Variants in FNDC7 observed in about 807,000 individuals in gnomAD.
FNDC7 encodes fibronectin type III domain-containing protein 7.
In FNDC7, 66 loss-of-function variants were observed where a neutral mutation model predicts 74.2. The observed-to-expected ratio is 0.89, with a 90% CI of 0.73 to 1.09. FNDC7 has a LOEUF of 1.09. Ranked by LOEUF, FNDC7 falls within the 50% of genes least tolerant of loss-of-function variation. FNDC7 has a pLI of 0.00. For missense variants in FNDC7, 829 were observed against 893.4 expected, an observed-to-expected ratio of 0.93 and a Z score of 0.92; for synonymous variants, 307 against 330.2, an observed-to-expected ratio of 0.93 and a Z score of 0.76.
At chr1:108,724,761 AAAAAATTAATTAATTAATTAATT>A (rs1361693740) in intron 5 of FNDC7, among the ~76,000 whole-genome samples, 272 of 151,668 alleles carry the variant, frequency 1.8e-3, no homozygotes, top group African/African-American at 6.3e-3. Flanking sequence ...CTCCAAAAAA[AAAAAATTAATTAATTAATTAATT>A]AAAAAATAAA....
rs568200240 is a variant in FNDC7, at chr1:108,742,145, G to A, written c.*258G>A. 19 of 317,310 alleles carry A rather than the reference G, an allele frequency of 6.0e-5. No homozygotes were observed. The highest frequency in any genetic ancestry group is 4.2e-4 in the African/African-American group (19 of 45,346). 19.7% of individuals were successfully genotyped at this position (317,310 alleles called of 1,614,324 possible). The stretch of plus-strand genomic sequence containing the variant: ...AATCCAGAAAGTCCCCTGGACGGCT[G>A]CTAGCCTGAGTTGGCACACTGTGAG... On this transcript the variant is annotated 3_prime_UTR_variant, in exon 13 of 13. Coordinates refer to ENST00000370017, the MANE Select transcript of FNDC7 (RefSeq NM_001144937.3).
chr1:108,740,873 T>C (rs945546408), intron 11 of FNDC7, among the ~76,000 whole-genome samples: 2 of 152,258 alleles, frequency 1.3e-5, no homozygotes, highest in Admixed American at 1.3e-4. Context: ...TCATATCACA[T>C]TCTATTATGT....
intron 2 of FNDC7, among the ~76,000 whole-genome samples, chr1:108,713,808 C>T (rs889409542): frequency 5.9e-5 from 9 of 152,284 alleles, no homozygotes; most frequent in South Asian, 2.1e-4. Flanking sequence ...TTCTCATATA[C>T]GGTTAGCCAT....
chr1:108,730,404 G>T (rs2990873), intron 8 of FNDC7, among the ~76,000 whole-genome samples: 143,012 of 150,022 alleles, frequency 0.95, 68,197 homozygotes, highest in East Asian at 1. Flanking sequence ...AACAAAGGAT[G>T]TCTTTCTTAT....
intron 10 of FNDC7, among the ~76,000 whole-genome samples, chr1:108,736,420 C>T (rs1383342512): frequency 1.3e-5 from 2 of 152,176 alleles, no homozygotes; most frequent in African/African-American, 2.4e-5. Flanking sequence ...CAACATATTA[C>T]TGTGAATTGA....
At chr1:108,721,650 C>CT (rs890172067) in intron 4 of FNDC7, among the ~76,000 whole-genome samples, 1 of 152,110 alleles carries the variant, frequency 6.6e-6, no homozygotes, top group Non-Finnish European at 1.5e-5. Flanking sequence ...CCTTCTTACG[C>CT]TTTTTTAATG....
At chr1:108,725,072 C>T (rs961867679) in intron 5 of FNDC7, among the ~76,000 whole-genome samples, 5 of 151,700 alleles carry the variant, frequency 3.3e-5, no homozygotes, top group African/African-American at 1.2e-4. Flanking sequence ...CCGAGTGAGA[C>T]TCTGTCTCAA....
intron 8 of FNDC7, among the ~76,000 whole-genome samples, chr1:108,729,839 G>A (rs147279499): frequency 6.0e-4 from 91 of 152,298 alleles, no homozygotes; most frequent in African/African-American, 2.1e-3. Context: ...AAAGAAGCCA[G>A]CAGTAAGATA....
intron 8 of FNDC7, among the ~76,000 whole-genome samples, chr1:108,729,466 G>A (rs939337978): frequency 3.3e-5 from 5 of 151,834 alleles, no homozygotes; most frequent in African/African-American, 1.2e-4. Context: ...GGAGAATGGC[G>A]TGAACCCAGC....
intron 6 of FNDC7, among the ~76,000 whole-genome samples, chr1:108,726,209 A>G (rs1043245435): frequency 2.0e-5 from 3 of 152,180 alleles, no homozygotes; most frequent in Non-Finnish European, 4.4e-5. Context: ...AAGGTTTGGG[A>G]GTGAAAAGAG....
At chr1:108,722,613 C>G in intron 5 of FNDC7, 21 bp downstream of exon 5, 1 of 1,597,766 alleles carries the variant, frequency 6.3e-7, no homozygotes, top group Non-Finnish European at 8.6e-7. Context: ...AAGAGTGAGA[C>G]TGCTGTCGGG....
At chr1:108,730,567 G>A (rs1028315584) in intron 8 of FNDC7, 107 bp from the exon 9 acceptor site, 1 of 1,258,048 alleles carries the variant, frequency 7.9e-7, no homozygotes, top group African/African-American at 1.5e-5. Flanking sequence ...GTTGGGGAAT[G>A]TAGGATATTG....
At chr1:108,727,389 C>A (rs1199551281) in intron 6 of FNDC7, among the ~76,000 whole-genome samples, 1 of 152,072 alleles carries the variant, frequency 6.6e-6, no homozygotes, top group Non-Finnish European at 1.5e-5. Context: ...CCCTACCCCC[C>A]AGTTTTATTT....
intron 2 of FNDC7, among the ~76,000 whole-genome samples, chr1:108,714,441 C>T (rs1660931424): frequency 6.6e-6 from 1 of 152,042 alleles, no homozygotes; most frequent in Admixed American, 6.6e-5. Flanking sequence ...TTTGGGAAGC[C>T]AAGATGGGAG....
At position 108,730,866 on chromosome 1, in the gene FNDC7, C is replaced by A. The variant is rs537445480; in HGVS notation, c.1817C>A (p.Thr606Lys). Residue 606 changes from threonine to lysine, a missense_variant, in exon 9 of 13, where the codon ACA becomes AAA. By Grantham distance (78) the Thr-to-Lys change is moderately conservative (BLOSUM62 -1). Transcript: ENST00000370017. ...ACATGTGGCATCAATTACACAGTGA[C>A]ATTAAAAGCAATTAGTGCCACCGGG... The part of the protein sequence containing the change: ...CITCGINYTV[T>K]LKAISATGLT... 3 of 1,613,928 alleles carry A rather than the reference C, an allele frequency of 1.9e-6. No individual in the cohort carries two copies. The African/African-American group carries it at 4.0e-5, about 22-fold the overall frequency.
At chr1:108,739,152 A>C (rs1018432597) in intron 11 of FNDC7, among the ~76,000 whole-genome samples, 1 of 152,222 alleles carries the variant, frequency 6.6e-6, no homozygotes, top group African/African-American at 2.4e-5. Context: ...AAAAAAATTT[A>C]AAAATGTTTG....
rs1160919720 is a variant in FNDC7, at chr1:108,733,649, C to CAT, written c.2140+117_2140+118insAT. 440 of 613,974 alleles carry CAT rather than the reference C, an allele frequency of 7.2e-4. 10 individuals carry two copies. Among genetic ancestry groups the CAT allele is most frequent in the Non-Finnish European group, 9.2e-4 (378 of 411,892 alleles). 38.0% of individuals were successfully genotyped at this position (613,974 alleles called of 1,614,324 possible). On this transcript the variant is annotated intron_variant, in intron 10 of 12. Coordinates refer to ENST00000370017, the MANE Select transcript of FNDC7 (RefSeq NM_001144937.3). ...GGCACAGAGGGTATAAAATTTCTTT[C>CAT]TTTTTTTTTTTTTTTTTTTTTGAGA...
intron 11 of FNDC7, among the ~76,000 whole-genome samples, chr1:108,739,242 G>A (rs1411362611): frequency 1.3e-5 from 2 of 152,220 alleles, no homozygotes; most frequent in Non-Finnish European, 1.5e-5. Flanking sequence ...GCTCACGCCT[G>A]TAATCTCAGC....
intron 8 of FNDC7, among the ~76,000 whole-genome samples, chr1:108,730,426 A>G (rs1353861704): frequency 1.1e-4 from 16 of 152,138 alleles, no homozygotes. Flanking sequence ...CTGAAAAAAA[A>G]AAATGGTGGA....
Sources: gnomAD v4.1 joint callset for allele counts (sites outside exome capture counted in the v4.1 genomes callset) on GRCh38, gnomAD v4.1.1 for gene constraint, MANE v1.5 for transcripts, NCBI Gene and HGNC (gene_info 2026-07-23, HGNC 2026-07-21) for gene names.